METTL22: variants seen among roughly 807,000 people sequenced by gnomAD.
The protein encoded by METTL22 is methyltransferase 22, Kin17 lysine.
In METTL22, 51 loss-of-function variants were observed where a neutral mutation model predicts 48.4. The observed-to-expected ratio is 1.05, with a 90% CI of 0.84 to 1.33. The LOEUF (loss-of-function observed/expected upper bound fraction) is 1.33. Among genes scored for constraint, METTL22 ranks in the 40% most tolerant of loss-of-function variants. METTL22 has a pLI of 0.00. For missense variants in METTL22, 678 were observed against 526.9 expected (o/e 1.29, Z -2.81); for synonymous variants, 255 against 214.1 (o/e 1.19, Z -1.67).
chr16:8,667,055 A>G, the METTL22 span: 1 of 151,440 alleles, frequency 6.6e-6, no homozygotes, highest in Non-Finnish European at 1.5e-5. Flanking sequence ...CTCAGCCCCC[A>G]AAAGTGCTGG....
the METTL22 span, among the ~76,000 whole-genome samples, chr16:8,654,860 G>A: frequency 0.96 from 146,779 of 152,278 alleles, 70,981 homozygotes; most frequent in East Asian, 1. Flanking sequence ...GAGTGTGGCC[G>A]TGATCTGTAC....
Position 8,646,365 on chromosome 16 carries a change from T to C in METTL22, c.*222T>C. Reference sequence around the variant, plus strand: ...GGCTGGAGGTCACTTTAGTTGCCTGTTTCTCATGGTTGTGATGTGTGCTCC... The same window carrying C: ...GGCTGGAGGTCACTTTAGTTGCCTGCTTCTCATGGTTGTGATGTGTGCTCC... On this transcript the variant is annotated 3_prime_UTR_variant, in exon 11 of 11. Transcript: ENST00000381920. The C allele has an allele frequency of 1.4e-6, 1 of 707,368 alleles. No homozygotes were observed. The highest frequency in any genetic ancestry group is 1.5e-5 in the South Asian group (1 of 66,892). 43.8% of individuals were successfully genotyped at this position (707,368 alleles called of 1,614,324 possible). A position where few individuals can be genotyped will look rare whatever the true frequency, so the allele number is the denominator to read the frequency against.
In METTL22 at chr16:8,644,540, G is replaced by A. The variant is rs554667134; in HGVS notation, c.1011-17G>A. 181 of 1,529,284 alleles carry A rather than the reference G, an allele frequency of 1.2e-4. 3 individuals carry two copies. The highest frequency in any genetic ancestry group is 1.0e-3 in the East Asian group (42 of 41,158). The allele number at this position is 1,529,284 out of a possible 1,614,324, so 94.7% of individuals were successfully genotyped here. ...ATTGATGATGGCAGTTTGTGCGTCC[G>A]ACTGGCTGGTTTGCAGGCTCAACTT... On this transcript the variant is annotated splice_polypyrimidine_tract_variant and intron_variant, in intron 9 of 10. Transcript: ENST00000381920.
At chr16:8,636,737 G>A (rs2056436159) in intron 5 of METTL22, among the ~76,000 whole-genome samples, 1 of 152,040 alleles carries the variant, frequency 6.6e-6, no homozygotes, top group South Asian at 2.1e-4. Flanking sequence ...CTAGGAGTGG[G>A]CGGTGTTAGT....
chr16:8,666,474 T>C, the METTL22 span, among the ~76,000 whole-genome samples: 5 of 152,218 alleles, frequency 3.3e-5, no homozygotes, highest in African/African-American at 1.2e-4. Context: ...AGAGTGATGA[T>C]TATGAAAACA....
intron 1 of METTL22, among the ~76,000 whole-genome samples, chr16:8,624,817 C>G (rs200370779): frequency 6.6e-6 from 1 of 152,112 alleles, no homozygotes; most frequent in Non-Finnish European, 1.5e-5. Context: ...CATGATTGTA[C>G]CACTGCACTC....
At chr16:8,665,970 T>C in the METTL22 span, among the ~76,000 whole-genome samples, 1 of 152,056 alleles carries the variant, frequency 6.6e-6, no homozygotes, top group Non-Finnish European at 1.5e-5. Context: ...GCACAGACTA[T>C]GATAGCCCAG....
At chr16:8,662,515 C>T in the METTL22 span, among the ~76,000 whole-genome samples, 94 of 144,306 alleles carry the variant, frequency 6.5e-4, 15 homozygotes, top group Admixed American at 1.1e-3. Flanking sequence ...CATGTGGGAG[C>T]GTTTCTTGGG....
Position 8,625,562 on chromosome 16 carries a change from C to A in METTL22, c.-104C>A. On this transcript the variant is annotated 5_prime_UTR_variant, in exon 2 of 11. Coordinates refer to ENST00000381920, the MANE Select transcript of METTL22 (RefSeq NM_024109.4). Reference sequence around the variant, plus strand: ...AGGGCGATGCAAAGCTACTCGCTACCAGCTTGGACCTGTCTGCAGTATCTC... The same window carrying A: ...AGGGCGATGCAAAGCTACTCGCTACAAGCTTGGACCTGTCTGCAGTATCTC... 8.9e-7 allele frequency: 1 copy of A among 1,126,224 alleles called. No homozygotes were observed. Among genetic ancestry groups the A allele is most frequent in the South Asian group, 1.8e-5 (1 of 55,302 alleles). The allele number at this position is 1,126,224 out of a possible 1,614,324, so 69.8% of individuals were successfully genotyped here.
chr16:8,659,570 A>G, the METTL22 span, among the ~76,000 whole-genome samples: 1 of 152,188 alleles, frequency 6.6e-6, no homozygotes, highest in African/African-American at 2.4e-5. Flanking sequence ...GGCAACCTGC[A>G]ATAAACAAAT....
chr16:8,641,288 C>A (rs1034077341), intron 7 of METTL22, 104 bp downstream of exon 7: 6 of 1,132,854 alleles, frequency 5.3e-6, no homozygotes, highest in Non-Finnish European at 8.0e-6. Flanking sequence ...GTCCCAGCTG[C>A]TGCCACAGTC....
chr16:8,653,840 C>A (rs2056930175), downstream of METTL22, among the ~76,000 whole-genome samples: 3 of 152,144 alleles, frequency 2.0e-5, no homozygotes, highest in South Asian at 6.2e-4. Flanking sequence ...GACAGGAACA[C>A]TGGGACCATC....
At chr16:8,636,406 C>T (rs1258951247) in intron 5 of METTL22, among the ~76,000 whole-genome samples, 3 of 151,366 alleles carry the variant, frequency 2.0e-5, no homozygotes, top group East Asian at 3.9e-4. Flanking sequence ...GTGGTAGCGG[C>T]GGGCACCTGT....
the METTL22 span, among the ~76,000 whole-genome samples, chr16:8,665,265 T>C: frequency 6.6e-6 from 1 of 152,156 alleles, no homozygotes; most frequent in South Asian, 2.1e-4. Context: ...AAGACCGCAC[T>C]GCAGCCTGGG....
intron 6 of METTL22, among the ~76,000 whole-genome samples, chr16:8,640,624 G>A (rs200783950): frequency 1.7e-4 from 3 of 17,988 alleles, no homozygotes; most frequent in Non-Finnish European, 3.6e-4. Flanking sequence ...ATGGATGGAT[G>A]GATGGAAAGA....
downstream of METTL22, among the ~76,000 whole-genome samples, chr16:8,651,595 A>G (rs1192845201): frequency 6.6e-6 from 1 of 152,068 alleles, no homozygotes; most frequent in Non-Finnish European, 1.5e-5. Flanking sequence ...ACTGGGAGCA[A>G]TCTCTCCCTC....
downstream of METTL22, among the ~76,000 whole-genome samples, chr16:8,650,389 G>C (rs905530034): frequency 3.3e-5 from 5 of 152,214 alleles, no homozygotes; most frequent in African/African-American, 1.2e-4. Flanking sequence ...TCCTGCCTCT[G>C]CTGTGTAACA....
intron 5 of METTL22, among the ~76,000 whole-genome samples, chr16:8,638,097 A>G (rs903607458): frequency 7.7e-6 from 1 of 129,874 alleles, no homozygotes; most frequent in African/African-American, 2.9e-5. Flanking sequence ...CAGTGAGCCA[A>G]GGTTGCACCA....
intron 6 of METTL22, among the ~76,000 whole-genome samples, chr16:8,639,891 A>G (rs11075187): frequency 0.027 from 4,104 of 151,184 alleles, 168 homozygotes; most frequent in African/African-American, 0.094. Context: ...AGCGCCCCCC[A>G]CCACCAACAG....
Sources: allele counts gnomAD v4.1 joint callset (sites outside exome capture counted in the v4.1 genomes callset), GRCh38; gene constraint gnomAD v4.1.1; transcripts MANE v1.5; gene names NCBI Gene and HGNC (gene_info 2026-07-23, HGNC 2026-07-21).